Variants in UBTD2 observed in about 807,000 individuals in gnomAD.
UBTD2 encodes ubiquitin domain containing 2.
In UBTD2, 9 loss-of-function variants were observed where a neutral mutation model predicts 19.8. That is an observed-to-expected ratio of 0.46 (90% CI 0.27 to 0.79). The LOEUF is 0.79. Among genes scored for constraint, UBTD2 ranks in the 30% least tolerant of loss-of-function variants. The pLI is 0.14. For synonymous variants in UBTD2, 98 were observed against 103.9 expected (o/e 0.94, Z 0.35); for missense variants, 250 against 300.4 (o/e 0.83, Z 1.24).
At chr5:172,270,480 C>T (rs1025247362) in intron 1 of UBTD2, among the ~76,000 whole-genome samples, 14 of 151,244 alleles carry the variant, frequency 9.3e-5, no homozygotes, top group Non-Finnish European at 1.6e-4. Context: ...CTCAGCCTCC[C>T]GAGTAGCTGG....
chr5:172,221,334 T>C (rs1771644703), intron 2 of UBTD2, among the ~76,000 whole-genome samples: 1 of 151,586 alleles, frequency 6.6e-6, no homozygotes, highest in Non-Finnish European at 1.5e-5. Context: ...CAAGGCCCCA[T>C]CTCTACCAAA....
chr5:172,222,226 C>A (rs1250884507), intron 2 of UBTD2, among the ~76,000 whole-genome samples: 2 of 152,188 alleles, frequency 1.3e-5, no homozygotes, highest in East Asian at 3.8e-4. Context: ...GGCCTAGACT[C>A]TTGAACAACA....
At chr5:172,212,293 C>T in intron 2 of UBTD2, 66 bp from the exon 3 acceptor site, 2 of 1,500,946 alleles carry the variant, frequency 1.3e-6, no homozygotes, top group Non-Finnish European at 1.8e-6. Context: ...TTATGCCTCA[C>T]AAAATGCTTA....
In UBTD2 at chr5:172,271,384, G is replaced by A. The variant is rs1163747531; in HGVS notation, c.70+12212C>T. Among the ~76,000 whole-genome samples, 3 of 146,740 alleles carry A rather than the reference G, an allele frequency of 2.0e-5. No individual in the cohort carries two copies. The South Asian group carries it at 6.5e-4, about 32-fold the overall frequency. ...GCAGATCTTGCCGTGAGCCGAGATC[G>A]CACCACTGCACTCCAGCCTGGGTGA... On this transcript the variant is annotated intron_variant, in intron 1 of 2. Transcript: ENST00000393792.
intron 1 of UBTD2, among the ~76,000 whole-genome samples, chr5:172,244,126 T>G (rs555071989): frequency 1.3e-5 from 2 of 152,274 alleles, no homozygotes; most frequent in East Asian, 3.9e-4. Flanking sequence ...GGGGGCATTC[T>G]ACAGTCAGAA....
At chr5:172,244,634 T>G (rs928322012) in intron 1 of UBTD2, among the ~76,000 whole-genome samples, 13 of 151,904 alleles carry the variant, frequency 8.6e-5, no homozygotes, top group African/African-American at 3.1e-4. Flanking sequence ...CCTGGACATT[T>G]GGTGCAGGTC....
At chr5:172,247,693 C>T (rs1445072550) in intron 1 of UBTD2, among the ~76,000 whole-genome samples, 1 of 152,102 alleles carries the variant, frequency 6.6e-6, no homozygotes, top group African/African-American at 2.4e-5. Flanking sequence ...ATATATGAAG[C>T]AAGCACAGAA....
intron 1 of UBTD2, among the ~76,000 whole-genome samples, chr5:172,249,982 G>T (rs1160700966): frequency 6.6e-6 from 1 of 152,168 alleles, no homozygotes; most frequent in Non-Finnish European, 1.5e-5. Flanking sequence ...TCTAAGATTA[G>T]GACGCCAAGG....
At chr5:172,221,271 T>C (rs1049671993) in intron 2 of UBTD2, among the ~76,000 whole-genome samples, 2 of 152,252 alleles carry the variant, frequency 1.3e-5, no homozygotes, top group Non-Finnish European at 2.9e-5. Flanking sequence ...GGGGAGGCTA[T>C]GGTGGGAGGA....
At chr5:172,281,573 C>A (rs943850744) in intron 1 of UBTD2, among the ~76,000 whole-genome samples, 1 of 152,198 alleles carries the variant, frequency 6.6e-6, no homozygotes, top group East Asian at 1.9e-4. Context: ...AGCTAGGGAT[C>A]TGTGCCAACA....
intron 1 of UBTD2, among the ~76,000 whole-genome samples, chr5:172,266,151 G>A (rs1188093974): frequency 6.6e-6 from 1 of 151,934 alleles, no homozygotes; most frequent in African/African-American, 2.4e-5. Flanking sequence ...GGCTGGTCTT[G>A]AACTCCTGAC....
intron 1 of UBTD2, chr5:172,255,558 G>GGGTTCC (rs1755123954): frequency 3.7e-6 from 1 of 268,008 alleles, no homozygotes; most frequent in Non-Finnish European, 7.7e-6. Flanking sequence ...AGTAATGTCA[G>GGGTTCC]GGTTCCGGGC....
chr5:172,272,363 GA>G (rs1755507150), intron 1 of UBTD2, among the ~76,000 whole-genome samples: 1 of 152,174 alleles, frequency 6.6e-6, no homozygotes, highest in African/African-American at 2.4e-5. Flanking sequence ...AGTGACTCAA[GA>G]AAAGCTTGCT....
chr5:172,248,284 A>T (rs1754922836), intron 1 of UBTD2, among the ~76,000 whole-genome samples: 1 of 152,196 alleles, frequency 6.6e-6, no homozygotes, highest in Admixed American at 6.6e-5. Context: ...ACCCAAAGGT[A>T]AAAGAACATA....
Position 172,211,332 on chromosome 5 carries a change from T to G in UBTD2, c.*498A>C, listed in dbSNP as rs945486557. ...AGAAGCAACCTCAAATACTGCTCTT[T>G]TCAGTTTCCATTAACCAAAACAAAA... On this transcript the variant is annotated 3_prime_UTR_variant, in exon 3 of 3. Coordinates refer to ENST00000393792, the MANE Select transcript of UBTD2 (RefSeq NM_152277.3). 1 of 144,994 alleles carries G rather than the reference T, an allele frequency of 6.9e-6. No homozygotes were observed. The highest frequency in any genetic ancestry group is 2.6e-5 in the African/African-American group (1 of 38,230). The allele number at this position is 144,994 out of a possible 1,614,324, so 9.0% of individuals were successfully genotyped here.
At chr5:172,237,039 G>T (rs1772024866) in intron 1 of UBTD2, among the ~76,000 whole-genome samples, 1 of 152,152 alleles carries the variant, frequency 6.6e-6, no homozygotes, top group South Asian at 2.1e-4. Flanking sequence ...AAGAACAGAT[G>T]ATGCGTTTAT....
At chr5:172,240,233 G>A (rs548662508) in intron 1 of UBTD2, among the ~76,000 whole-genome samples, 6 of 152,292 alleles carry the variant, frequency 3.9e-5, no homozygotes, top group Non-Finnish European at 7.4e-5. Flanking sequence ...CAGTAAAGAA[G>A]GGGTGATGTG....
chr5:172,237,678 A>T (rs1772039537), intron 1 of UBTD2, among the ~76,000 whole-genome samples: 1 of 152,248 alleles, frequency 6.6e-6, no homozygotes, highest in Non-Finnish European at 1.5e-5. Flanking sequence ...AAAAATTAGC[A>T]TTTAGCAAAA....
At chr5:172,262,519 C>A (rs1755291748) in intron 1 of UBTD2, among the ~76,000 whole-genome samples, 1 of 147,808 alleles carries the variant, frequency 6.8e-6, no homozygotes, top group South Asian at 2.1e-4. Flanking sequence ...ACAATAAAAT[C>A]TATCATTAAC....
Sources: allele counts gnomAD v4.1 joint callset (sites outside exome capture counted in the v4.1 genomes callset), GRCh38; gene constraint gnomAD v4.1.1; transcripts MANE v1.5; gene names NCBI Gene and HGNC (gene_info 2026-07-23, HGNC 2026-07-21).